Variants in CAST observed in about 807,000 individuals in gnomAD.
CAST encodes the protein MIR583 host.
Under a neutral mutation model 119.6 loss-of-function variants are expected in CAST, and 76 were observed. The observed-to-expected ratio is 0.64, with a 90% CI of 0.53 to 0.77. CAST has a LOEUF of 0.77. Among genes scored for constraint, CAST ranks in the 30% least tolerant of loss-of-function variants. The pLI is 0.00. For synonymous variants in CAST, 319 were observed against 331.6 expected (o/e 0.96, Z 0.41); for missense variants, 953 against 946.5 (o/e 1.01, Z -0.09).
intron 1 of CAST, among the ~76,000 whole-genome samples, chr5:96,663,402 T>G (rs1360582684): frequency 2.0e-5 from 3 of 152,168 alleles, no homozygotes; most frequent in African/African-American, 7.2e-5. Flanking sequence ...CGCATGCACC[T>G]CTCTCGCCCC....
chr5:96,605,764 TAAG>T (rs746096619), intron 1 of CAST, among the ~76,000 whole-genome samples: 2 of 152,224 alleles, frequency 1.3e-5, no homozygotes, highest in Non-Finnish European at 2.9e-5. Flanking sequence ...ATTTTGTTAA[TAAG>T]AAATCATTAT....
chr5:96,129,698 C>G, the CAST span, among the ~76,000 whole-genome samples: 3 of 151,980 alleles, frequency 2.0e-5, no homozygotes, highest in African/African-American at 7.2e-5. Context: ...AAAATGACAT[C>G]AGAGATATTT....
intron 3 of CAST, 92 bp downstream of exon 3, chr5:96,695,999 C>G (rs1238729626): frequency 1.5e-6 from 1 of 684,808 alleles, no homozygotes; most frequent in East Asian, 2.8e-5. Flanking sequence ...AAACAGTGTC[C>G]AGATATCACT....
intron 10 of CAST, among the ~76,000 whole-genome samples, 183 bp downstream of exon 10, chr5:96,736,423 T>G (rs1039895495): frequency 1.3e-5 from 2 of 152,056 alleles, no homozygotes; most frequent in African/African-American, 4.8e-5. Context: ...CACTCATGTT[T>G]GTAACACTTG....
chr5:96,175,569 G>C, the CAST span, among the ~76,000 whole-genome samples: 1 of 152,202 alleles, frequency 6.6e-6, no homozygotes, highest in Non-Finnish European at 1.5e-5. Flanking sequence ...ATGGTAAACA[G>C]GGCAATGGGC....
chr5:96,071,738 G>GT, the CAST span, among the ~76,000 whole-genome samples: 1 of 151,780 alleles, frequency 6.6e-6, no homozygotes, highest in African/African-American at 2.4e-5. Flanking sequence ...TTATCTGCTA[G>GT]TTTTTTTAAA....
At chr5:96,573,630 A>G (rs1053711311) in intron 1 of CAST, among the ~76,000 whole-genome samples, 4 of 81,048 alleles carry the variant, frequency 4.9e-5, no homozygotes, top group Non-Finnish European at 9.8e-5. Flanking sequence ...GCAGAGCAAC[A>G]CCCTGTCTCA....
chr5:96,515,234 T>A, the CAST span, among the ~76,000 whole-genome samples: 1 of 152,076 alleles, frequency 6.6e-6, no homozygotes, highest in East Asian at 1.9e-4. Context: ...TCAACAGGAA[T>A]AGCTAATTAG....
intron 15 of CAST, chr5:96,742,391 T>G (rs1762874661): frequency 2.5e-6 from 1 of 393,944 alleles, no homozygotes; most frequent in East Asian, 4.4e-5. Context: ...TATAGCTTTA[T>G]GTCTAGCTTA....
rs111849230 is a variant in CAST, at chr5:96,608,452, C to G, written c.61-67087C>G. Among the ~76,000 whole-genome samples the G allele has an allele frequency of 4.2e-3, 635 of 152,114 alleles. 5 individuals carry two copies. The highest frequency in any genetic ancestry group is 0.024 in the South Asian group (115 of 4,808). ...GACTAGGTTTAATACTCAATAAATA[C>G]TACCTGTTTGTATTATGACTTTGTG... On this transcript the variant is annotated intron_variant, in intron 1 of 11. Transcript: ENST00000505143.
chr5:96,734,882 C>T (rs1761304740), intron 9 of CAST, among the ~76,000 whole-genome samples: 1 of 151,686 alleles, frequency 6.6e-6, no homozygotes, highest in South Asian at 2.1e-4. Context: ...AATTAAAATA[C>T]TGTTTTCTAA....
rs528477208 is a variant in CAST, at chr5:96,711,750, T to G, written c.211-10889T>G. Among the ~76,000 whole-genome samples the G allele has an allele frequency of 1.1e-3, 164 of 152,348 alleles. 1 individual carries two copies. The South Asian group carries it at 0.032, about 30-fold the overall frequency. On this transcript the variant is annotated intron_variant, in intron 3 of 31. Coordinates refer to ENST00000675179, the MANE Select transcript of CAST (RefSeq NM_001750.7). ...TTTAAATAACTGAGAGGGGAATTTG[T>G]TTCTAAACTTAAACACTGGAAATCA...
chr5:96,088,388 A>G, the CAST span, among the ~76,000 whole-genome samples: 1 of 152,162 alleles, frequency 6.6e-6, no homozygotes, highest in African/African-American at 2.4e-5. Context: ...AGATCTTGAC[A>G]ATCAACAGCT....
intron 22 of CAST, 74 bp downstream of exon 22, chr5:96,754,815 G>A: frequency 2.4e-6 from 2 of 839,088 alleles, no homozygotes; most frequent in Non-Finnish European, 4.0e-6. Flanking sequence ...AGGTACTTGG[G>A]AACAGAACTG....
chr5:96,724,974 C>T (rs994267661), intron 4 of CAST, among the ~76,000 whole-genome samples: 3 of 152,096 alleles, frequency 2.0e-5, no homozygotes, highest in South Asian at 2.1e-4. Context: ...ATTCTAATCC[C>T]CTGTGCCTCA....
chr5:96,258,758 T>C, the CAST span, among the ~76,000 whole-genome samples: 4 of 152,254 alleles, frequency 2.6e-5, no homozygotes, highest in African/African-American at 9.6e-5. Flanking sequence ...TATGAAGTTA[T>C]ACTGTTTCAT....
chr5:95,973,670 A>G, the CAST span, among the ~76,000 whole-genome samples: 2 of 152,198 alleles, frequency 1.3e-5, no homozygotes, highest in Admixed American at 6.5e-5. Context: ...TCTGCACTCT[A>G]TGCTACATTG....
the CAST span, among the ~76,000 whole-genome samples, chr5:96,417,898 T>C: frequency 6.6e-6 from 1 of 152,324 alleles, no homozygotes; most frequent in African/African-American, 2.4e-5. Flanking sequence ...CTGAGAAATG[T>C]ACTTCCAGAA....
intron 2 of CAST, among the ~76,000 whole-genome samples, chr5:96,677,598 G>A (rs1235798838): frequency 2.6e-5 from 4 of 152,204 alleles, no homozygotes; most frequent in Non-Finnish European, 4.4e-5. Flanking sequence ...TATTGGCATA[G>A]CAATTCTGAC....
Sources: gnomAD v4.1 joint callset for allele counts (sites outside exome capture counted in the v4.1 genomes callset) on GRCh38, gnomAD v4.1.1 for gene constraint, MANE v1.5 for transcripts, NCBI Gene and HGNC (gene_info 2026-07-23, HGNC 2026-07-21) for gene names.